RFX2: variants seen among roughly 807,000 people sequenced by gnomAD.
RFX2 encodes the protein DNA-binding protein RFX2.
RFX2 carries 20 observed loss-of-function variants against 87.8 expected under a neutral mutation model. That is an observed-to-expected ratio of 0.23 (90% confidence interval 0.16 to 0.33). The LOEUF (loss-of-function observed/expected upper bound fraction) is 0.33, where lower values mean the gene tolerates loss of function less well. Ranked by LOEUF, RFX2 falls within the 10% of genes least tolerant of loss-of-function variation. RFX2 has a pLI of 1.00. For synonymous variants in RFX2, 397 were observed against 431.3 expected (o/e 0.92, Z 0.98); for missense variants, 767 against 1,012.3 (o/e 0.76, Z 3.29).
chr19:6,072,943 A>G (rs2087630199), intron 1 of RFX2: 7 of 764,488 alleles, frequency 9.2e-6, no homozygotes, highest in South Asian at 8.2e-5. Context: ...ACCCAGAGGT[A>G]TTGACAATAG....
chr19:6,068,532 A>AT (rs1316997164), intron 1 of RFX2: 1 of 152,222 alleles, frequency 6.6e-6, no homozygotes, highest in Non-Finnish European at 1.5e-5. Flanking sequence ...AGGGGTTGCA[A>AT]TTTTTAAAGC....
At position 6,068,802 on chromosome 19, in the gene RFX2, G is replaced by A. The variant is rs551008879; in HGVS notation, c.-8-21298C>T. 3.3e-5 allele frequency among the ~76,000 whole-genome samples: 5 copies of A among 152,310 alleles called. No homozygotes were observed. The East Asian group carries it at 9.6e-4, about 29-fold the overall frequency. On this transcript the variant is annotated intron_variant, in intron 1 of 17. Coordinates refer to ENST00000303657, the MANE Select transcript of RFX2 (RefSeq NM_000635.4). ...ATCACAAGGTTTGAGCCCAGGAATG[G>A]CCTGGTTTGACTTGCATTTTAACCA... is the stretch of plus-strand genomic sequence containing the variant.
In RFX2 at chr19:5,997,443, C is replaced by G. The variant is rs672355; in HGVS notation, c.1860-230G>C. On this transcript the variant is annotated intron_variant, in intron 15 of 17. Transcript: ENST00000303657. The surrounding 1 kb of genome is among the most constrained non-coding windows in gnomAD (Gnocchi z 4.2). ...CTGCGCGCTCAGTTCCAGAGACCAC[C>G]TGGGGAACAGGAGAGGGAGATGGGC... The G allele has an allele frequency of 0.011, 5,273 of 487,518 alleles. 191 individuals are homozygous for G. Among genetic ancestry groups the G allele is most frequent in the African/African-American group, 0.09 (4,580 of 51,070 alleles). 30.2% of individuals were successfully genotyped at this position (487,518 alleles called of 1,614,324 possible).
chr19:6,108,956 C>G (rs1445625107), intron 1 of RFX2, among the ~76,000 whole-genome samples: 1 of 150,238 alleles, frequency 6.7e-6, no homozygotes, highest in African/African-American at 2.5e-5. Flanking sequence ...GGCGAGGGAG[C>G]GCGGAGGCTT....
In RFX2 at chr19:6,024,794, CGGG is replaced by C. The variant is rs2086864417; in HGVS notation, c.597+1366_597+1368del. ...ATCACGGTGAGGACGGGAGTGAGGACGGGATCACGGTGAGGACGGGAGTGAGGA... is the reference window on the plus strand; with the variant it reads ...ATCACGGTGAGGACGGGAGTGAGGACATCACGGTGAGGACGGGAGTGAGGA... On this transcript the variant is annotated intron_variant, in intron 6 of 17. Coordinates refer to ENST00000303657, the MANE Select transcript of RFX2 (RefSeq NM_000635.4). This position sits in a 1 kb window ranked among gnomAD's most constrained non-coding sequence, Gnocchi z 5.0. 8.8e-6 allele frequency among the ~76,000 whole-genome samples: 1 copy of C among 113,914 alleles called. No homozygotes were observed. Among genetic ancestry groups the C allele is most frequent in the Admixed American group, 8.4e-5 (1 of 11,876 alleles). The allele number at this position is 113,914 out of a possible 152,430, so 74.7% of individuals were successfully genotyped here. A position where few individuals can be genotyped will look rare whatever the true frequency, so the allele number is the denominator to read the frequency against.
chr19:6,029,347 A>T (rs2086927922), intron 5 of RFX2, among the ~76,000 whole-genome samples: 1 of 152,178 alleles, frequency 6.6e-6, no homozygotes, highest in East Asian at 1.9e-4. Flanking sequence ...TATGAAACAA[A>T]GAGTTTAAAT....
intron 6 of RFX2, among the ~76,000 whole-genome samples, chr19:6,025,257 C>T (rs2086872418): frequency 1.3e-5 from 2 of 152,136 alleles, no homozygotes; most frequent in Admixed American, 1.3e-4. Flanking sequence ...TCCCCCAGTC[C>T]CATCCTGCTA....
At chr19:6,068,961 G>A (rs770350195) in intron 1 of RFX2, among the ~76,000 whole-genome samples, 24 of 152,184 alleles carry the variant, frequency 1.6e-4, no homozygotes, top group Non-Finnish European at 3.2e-4. Flanking sequence ...GGGCAAAGCC[G>A]TCAGACTCTG....
rs1297055006 is a variant in RFX2, at chr19:6,026,715, C to T, written c.523-478G>A. 4.5e-5 allele frequency: 8 copies of T among 176,144 alleles called. No homozygotes were observed. Among genetic ancestry groups the T allele is most frequent in the South Asian group, 4.5e-4 (4 of 8,866 alleles). 10.9% of individuals were successfully genotyped at this position (176,144 alleles called of 1,614,324 possible). On this transcript the variant is annotated intron_variant, in intron 5 of 17. Transcript: ENST00000303657. The surrounding 1 kb of genome is among the most constrained non-coding windows in gnomAD (Gnocchi z 4.5). The stretch of plus-strand genomic sequence containing the variant: ...CCTGTCGCAAATCCCAGGGTCTCCC[C>T]GCTGCTGGAGGCTTTGGGAAAATAG...
At chr19:6,096,539 C>G (rs1227332267) in intron 1 of RFX2, among the ~76,000 whole-genome samples, 1 of 152,144 alleles carries the variant, frequency 6.6e-6, no homozygotes, top group Non-Finnish European at 1.5e-5. Context: ...CTCCGCCCCC[C>G]GGGTTCATGC....
intron 1 of RFX2, among the ~76,000 whole-genome samples, chr19:6,076,614 G>C (rs2087696186): frequency 1.3e-5 from 2 of 152,200 alleles, no homozygotes; most frequent in Non-Finnish European, 2.9e-5. Context: ...GTCCTACAAA[G>C]TGTGGAGTTT....
chr19:6,033,385 T>C (rs1473215428), intron 5 of RFX2, among the ~76,000 whole-genome samples: 2 of 152,122 alleles, frequency 1.3e-5, no homozygotes, highest in Admixed American at 6.5e-5. Context: ...AATGATCAAT[T>C]TGTCCCTGGT....
At chr19:6,014,696 C>G (rs1247082597) in intron 7 of RFX2, among the ~76,000 whole-genome samples, 2 of 152,194 alleles carry the variant, frequency 1.3e-5, no homozygotes, top group Non-Finnish European at 2.9e-5. Flanking sequence ...GGAGGCCCCT[C>G]CAGGAGCAGG....
chr19:6,049,036 A>C (rs561288166), intron 1 of RFX2: 1 of 152,322 alleles, frequency 6.6e-6, no homozygotes, highest in South Asian at 2.1e-4. Context: ...AACCTTACAC[A>C]GCCCGCACCT....
At position 6,023,865 on chromosome 19, in the gene RFX2, C is replaced by T. The variant is rs143403441; in HGVS notation, c.597+2298G>A. On this transcript the variant is annotated intron_variant, in intron 6 of 17. Coordinates refer to ENST00000303657, the MANE Select transcript of RFX2 (RefSeq NM_000635.4). This position sits in a 1 kb window ranked among gnomAD's most constrained non-coding sequence, Gnocchi z 4.9. ...CGCAATCTCAGCTCACTGCAACCTC[C>T]GTCTCCCAGGTTCAAGCGATTCTCC... Among the ~76,000 whole-genome samples the T allele has an allele frequency of 0.033, 5,056 of 152,056 alleles. 115 individuals are homozygous for T. The highest frequency in any genetic ancestry group is 0.052 in the Non-Finnish European group (3,506 of 67,954).
At chr19:6,105,228 G>A (rs1031218303) in intron 1 of RFX2, among the ~76,000 whole-genome samples, 3 of 152,124 alleles carry the variant, frequency 2.0e-5, no homozygotes, top group Non-Finnish European at 4.4e-5. Flanking sequence ...CTTATGGTGT[G>A]TTATATAGGA....
chr19:5,999,489 T>C lies in RFX2; in HGVS notation c.1860-2276A>G, dbSNP rs1223017824. On this transcript the variant is annotated intron_variant, in intron 15 of 17. Coordinates refer to ENST00000303657, the MANE Select transcript of RFX2 (RefSeq NM_000635.4). This position sits in a 1 kb window ranked among gnomAD's most constrained non-coding sequence, Gnocchi z 4.1. ...ATCCCTACGCTGTCTCTTCCCTTGCTCTTCCTCCCTCATTATCCCAGTGTG... is the reference window on the plus strand; with the variant it reads ...ATCCCTACGCTGTCTCTTCCCTTGCCCTTCCTCCCTCATTATCCCAGTGTG... Among the ~76,000 whole-genome samples, 2 of 152,126 alleles carry C rather than the reference T, an allele frequency of 1.3e-5. No homozygotes were observed. The highest frequency in any genetic ancestry group is 2.9e-5 in the Non-Finnish European group (2 of 68,026).
chr19:5,996,020 C>T (rs1026318640), intron 16 of RFX2, among the ~76,000 whole-genome samples: 2 of 152,260 alleles, frequency 1.3e-5, no homozygotes, highest in African/African-American at 2.4e-5. Context: ...CTTGGCTGCC[C>T]CAAAGCCCGG....
In RFX2 at chr19:6,013,246, T is replaced by G; in HGVS notation, c.780-141A>C. On this transcript the variant is annotated intron_variant, in intron 7 of 17. Coordinates refer to ENST00000303657, the MANE Select transcript of RFX2 (RefSeq NM_000635.4). This position sits in a 1 kb window ranked among gnomAD's most constrained non-coding sequence, Gnocchi z 4.1. ...TGTCGCCCAGGCTGGAGTACAGCAGTGCCATCTCGGCTCACTGCAATCTCC... is the reference window on the plus strand; with the variant it reads ...TGTCGCCCAGGCTGGAGTACAGCAGGGCCATCTCGGCTCACTGCAATCTCC... 1 of 796,932 alleles carries G rather than the reference T, an allele frequency of 1.3e-6. No homozygotes were observed. Among genetic ancestry groups the G allele is most frequent in the Non-Finnish European group, 1.8e-6 (1 of 550,262 alleles). The allele number at this position is 796,932 out of a possible 1,614,324, so 49.4% of individuals were successfully genotyped here. A position where few individuals can be genotyped will look rare whatever the true frequency, so the allele number is the denominator to read the frequency against.
Sources: allele counts gnomAD v4.1 joint callset (sites outside exome capture counted in the v4.1 genomes callset), GRCh38; gene constraint gnomAD v4.1.1; non-coding constraint Gnocchi (gnomAD v3.1); transcripts MANE v1.5; gene names NCBI Gene and HGNC (gene_info 2026-07-23, HGNC 2026-07-21).